Variants in LTBP1 observed in about 807,000 individuals in gnomAD.
LTBP1 encodes the protein latent-transforming growth factor beta-binding protein 1.
Under a neutral mutation model 207.6 loss-of-function variants are expected in LTBP1, and 129 were observed. The observed-to-expected ratio is 0.62, with a 90% CI of 0.54 to 0.72. LTBP1 has a LOEUF of 0.72. LTBP1 is among the 30% of genes least tolerant of loss of function. The pLI, the probability that LTBP1 is intolerant of heterozygous loss-of-function variation, is 0.00. For synonymous variants in LTBP1, 963 were observed against 833.7 expected (o/e 1.16, Z -2.67); for missense variants, 2,281 against 2,217.2 (o/e 1.03, Z -0.58).
At chr2:33,236,770 C>G (rs1168774469) in intron 9 of LTBP1, among the ~76,000 whole-genome samples, 2 of 152,202 alleles carry the variant, frequency 1.3e-5, no homozygotes, top group South Asian at 4.1e-4. Context: ...AATGTAATAT[C>G]TGTAGACTAC....
At chr2:33,320,407 A>G (rs963695479) in intron 24 of LTBP1, among the ~76,000 whole-genome samples, 7 of 152,114 alleles carry the variant, frequency 4.6e-5, no homozygotes, top group African/African-American at 1.7e-4. Flanking sequence ...AAAAAAAAAA[A>G]AAAAGAAAAG....
chr2:33,187,225 C>T (rs1008428229), intron 6 of LTBP1, 145 bp downstream of exon 6: 16 of 656,116 alleles, frequency 2.4e-5, no homozygotes, highest in Non-Finnish European at 3.7e-5. Context: ...GCAGTAGAGA[C>T]AGAATGTGGG....
intron 9 of LTBP1, among the ~76,000 whole-genome samples, chr2:33,223,836 G>A (rs1054518776): frequency 6.6e-6 from 1 of 152,248 alleles, no homozygotes; most frequent in Non-Finnish European, 1.5e-5. Context: ...TGTTTAGCAC[G>A]CAGAAGTACA....
intron 15 of LTBP1, among the ~76,000 whole-genome samples, chr2:33,264,611 C>A (rs1359418731): frequency 1.3e-5 from 2 of 151,980 alleles, no homozygotes; most frequent in Admixed American, 6.6e-5. Flanking sequence ...AAAAACAATA[C>A]CAAGAAGCAT....
rs774327682 is a variant in LTBP1 at position 33,363,481 on chromosome 2, A to G, written c.4362A>G (p.Gln1454=). The G allele has an allele frequency of 1.2e-6, 2 of 1,613,960 alleles. No individual in the cohort carries two copies. The highest frequency in any genetic ancestry group is 1.7e-6 in the Non-Finnish European group (2 of 1,179,848). ...CTGGGTATGAATGCTACTGTAAGCA[A>G]GGGACGTACTATGATCCTGTGAAAC... ...TRPGYECYCK[Q]GTYYDPVKLQ... Residue 1454 remains glutamine, a synonymous_variant, in exon 29 of 34, where the codon CAA becomes CAG. Coordinates refer to ENST00000404816, the MANE Select transcript of LTBP1 (RefSeq NM_206943.4).
At chr2:33,338,735 G>A (rs939413185) in intron 24 of LTBP1, among the ~76,000 whole-genome samples, 1 of 152,156 alleles carries the variant, frequency 6.6e-6, no homozygotes, top group Admixed American at 6.5e-5. Flanking sequence ...AGAGACGGAA[G>A]GAGTGGCATG....
At position 33,397,137 on chromosome 2, in the gene LTBP1, T is replaced by G; in HGVS notation, c.4839T>G (p.Phe1613Leu). 1 of 1,613,564 alleles carries G rather than the reference T, an allele frequency of 6.2e-7. No individual in the cohort carries two copies. Among genetic ancestry groups the G allele is most frequent in the East Asian group, 2.2e-5 (1 of 44,868 alleles). Residue 1613 changes from phenylalanine to leucine, a missense_variant, in exon 33 of 34, where the codon TTT becomes TTG. By Grantham distance (22) the Phe-to-Leu change is conservative (BLOSUM62 0). This residue lies in a region of LTBP1 where 1,671 missense variants were observed against 1,634.8 expected (regional missense o/e 1.02). Coordinates refer to ENST00000404816, the MANE Select transcript of LTBP1 (RefSeq NM_206943.4). ...CTTCTGCCCTTTCCTTTCCAGGTTT[T>G]CTAAATAGCTTTGAGGAGTTACAGG... is the stretch of plus-strand genomic sequence containing the variant. Reference protein sequence around the residue: ...EADPYFIQDRFLNSFEELQAE... With the variant: ...EADPYFIQDRLLNSFEELQAE...
chr2:33,103,112 AT>A (rs1262344367), intron 3 of LTBP1, among the ~76,000 whole-genome samples: 2 of 151,194 alleles, frequency 1.3e-5, no homozygotes, highest in East Asian at 2.0e-4. Context: ...CAGATTCTCT[AT>A]GCTGTGTGCA....
At chr2:33,389,157 G>T in intron 31 of LTBP1, 27 bp from the exon 32 acceptor site, 2 of 1,613,858 alleles carry the variant, frequency 1.2e-6, no homozygotes, top group Non-Finnish European at 1.7e-6. Flanking sequence ...CAGTGGTGGG[G>T]CCTCATGCTG....
chr2:32,948,502 C>T (rs1676617676), intron 1 of LTBP1, among the ~76,000 whole-genome samples: 1 of 152,190 alleles, frequency 6.6e-6, no homozygotes. Context: ...TGTGCCCTCA[C>T]TCCTTTTTGG....
At chr2:33,089,306 A>G (rs924273146) in intron 3 of LTBP1, among the ~76,000 whole-genome samples, 2 of 152,206 alleles carry the variant, frequency 1.3e-5, no homozygotes, top group African/African-American at 2.4e-5. Flanking sequence ...TAAAAGCAGC[A>G]TAGAACATTT....
At chr2:33,366,028 T>C (rs1288800036) in intron 31 of LTBP1, among the ~76,000 whole-genome samples, 1 of 152,218 alleles carries the variant, frequency 6.6e-6, no homozygotes, top group Non-Finnish European at 1.5e-5. Context: ...TTTCAAGTTC[T>C]AGATCTATCT....
At chr2:33,184,929 A>G (rs1044941628) in intron 5 of LTBP1, among the ~76,000 whole-genome samples, 22 of 152,292 alleles carry the variant, frequency 1.4e-4, no homozygotes, top group African/African-American at 5.3e-4. Flanking sequence ...CATAAGATGC[A>G]TGGAATGATG....
chr2:33,241,635 A>C (rs760885134), intron 9 of LTBP1, among the ~76,000 whole-genome samples: 3 of 152,246 alleles, frequency 2.0e-5, no homozygotes, highest in Non-Finnish European at 2.9e-5. Flanking sequence ...ACAGGAATAC[A>C]GGCCATTCAG....
chr2:33,397,062 C>A, intron 32 of LTBP1, 71 bp from the exon 33 acceptor site: 1 of 1,429,020 alleles, frequency 7.0e-7, no homozygotes, highest in Non-Finnish European at 9.6e-7. Flanking sequence ...GAACCATCAT[C>A]TAAATATCAT....
chr2:33,173,274 G>A (rs369306648), intron 5 of LTBP1, among the ~76,000 whole-genome samples: 7 of 151,446 alleles, frequency 4.6e-5, no homozygotes, highest in Admixed American at 3.9e-4. Context: ...TAATAAAGAA[G>A]AAAAGAGAGA....
rs771453245 is a variant in LTBP1 at position 33,361,384 on chromosome 2, G to A, written c.4184-45G>A. On this transcript the variant is annotated intron_variant, in intron 27 of 33. Transcript: ENST00000404816. ...ACTGAATTTGAAACATGCATTCATGGAAGATGTTGAATCTTTTTTTTTTTT... is the reference window on the plus strand; with the variant it reads ...ACTGAATTTGAAACATGCATTCATGAAAGATGTTGAATCTTTTTTTTTTTT... 40 of 1,270,306 alleles carry A rather than the reference G, an allele frequency of 3.1e-5. No individual in the cohort carries two copies. The South Asian group carries it at 4.3e-4, about 14-fold the overall frequency. The allele number at this position is 1,270,306 out of a possible 1,614,324, so 78.7% of individuals were successfully genotyped here.
At chr2:33,101,498 C>T (rs189602399) in intron 3 of LTBP1, among the ~76,000 whole-genome samples, 19 of 152,206 alleles carry the variant, frequency 1.2e-4, no homozygotes, top group Non-Finnish European at 7.4e-5. Context: ...CTTTGTGAGG[C>T]GATGTTATTA....
chr2:33,235,705 A>G (rs1277265858), intron 9 of LTBP1, among the ~76,000 whole-genome samples: 1 of 152,234 alleles, frequency 6.6e-6, no homozygotes, highest in African/African-American at 2.4e-5. Flanking sequence ...CATATACACC[A>G]TGGAATACTA....
Sources: gnomAD v4.1 joint callset for allele counts (sites outside exome capture counted in the v4.1 genomes callset) on GRCh38, gnomAD v4.1.1 for gene constraint, gnomAD v4.1.1 regional missense constraint, MANE v1.5 for transcripts, NCBI Gene and HGNC (gene_info 2026-07-23, HGNC 2026-07-21) for gene names.